MICAL2: variants seen among roughly 807,000 people sequenced by gnomAD.
MICAL2 encodes microtubule associated monooxygenase, calponin and LIM domain containing 2.
In MICAL2, 77 loss-of-function variants were observed where a neutral mutation model predicts 127.3. The observed-to-expected ratio is 0.60, with a 90% CI of 0.50 to 0.73. The LOEUF (loss-of-function observed/expected upper bound fraction) is 0.73, where lower values mean the gene tolerates loss of function less well. Among genes scored for constraint, MICAL2 ranks in the 30% least tolerant of loss-of-function variants. The pLI is 0.00. For synonymous variants in MICAL2, 570 were observed against 551.1 expected (o/e 1.03, Z -0.48); for missense variants, 1,351 against 1,434.4 (o/e 0.94, Z 0.94).
At chr11:12,165,308 G>A (rs1197470581) in intron 3 of MICAL2, among the ~76,000 whole-genome samples, 2 of 152,180 alleles carry the variant, frequency 1.3e-5, no homozygotes, top group African/African-American at 2.4e-5. Flanking sequence ...GCCGGTGCTT[G>A]TACTCCTTGT....
intron 15 of MICAL2, among the ~76,000 whole-genome samples, chr11:12,231,530 C>T (rs1371643062): frequency 1.3e-5 from 2 of 152,248 alleles, no homozygotes; most frequent in African/African-American, 4.8e-5. Flanking sequence ...CTTCCATCTA[C>T]TCATTCAACA....
chr11:12,152,419 T>G (rs1403310849), intron 2 of MICAL2, among the ~76,000 whole-genome samples: 2 of 151,366 alleles, frequency 1.3e-5, no homozygotes, highest in Non-Finnish European at 2.9e-5. Context: ...ATCTACTTTG[T>G]GTGGGAGCAA....
At chr11:12,322,578 AT>A (rs1310696235) in intron 30 of MICAL2, among the ~76,000 whole-genome samples, 6 of 152,216 alleles carry the variant, frequency 3.9e-5, no homozygotes, top group Non-Finnish European at 8.8e-5. Context: ...ATATTTATTT[AT>A]TCCAGCATTA....
intron 1 of MICAL2, among the ~76,000 whole-genome samples, chr11:12,277,193 C>G (rs1863730619): frequency 6.6e-6 from 1 of 151,980 alleles, no homozygotes; most frequent in Non-Finnish European, 1.5e-5. Flanking sequence ...GCTGGGGTGA[C>G]AGAGGGCTAT....
Position 12,297,316 on chromosome 11 carries a change from C to T in MICAL2, c.5212+2459C>T, listed in dbSNP as rs1863997077. Reference sequence around the variant, plus strand: ...TTTTTATATGTTGAGAAGCCATTTGCATCTCCTTTTCTGTGACCAGTTGAT... The same window carrying T: ...TTTTTATATGTTGAGAAGCCATTTGTATCTCCTTTTCTGTGACCAGTTGAT... On this transcript the variant is annotated intron_variant, in intron 29 of 34. Coordinates refer to the MICAL2 transcript ENST00000646065. 1.3e-5 allele frequency among the ~76,000 whole-genome samples: 2 copies of T among 152,136 alleles called. 1 individual carries two copies. Among genetic ancestry groups the T allele is most frequent in the Non-Finnish European group, 2.9e-5 (2 of 67,980 alleles).
chr11:12,282,194 A>T (rs894904255), intron 2 of MICAL2, among the ~76,000 whole-genome samples: 13 of 152,174 alleles, frequency 8.5e-5, no homozygotes, highest in African/African-American at 1.9e-4. Flanking sequence ...CTCATTTTTT[A>T]AAAAAGTGAC....
chr11:12,163,169 C>T (rs1300246764), intron 3 of MICAL2, among the ~76,000 whole-genome samples: 3 of 152,168 alleles, frequency 2.0e-5, no homozygotes, highest in Non-Finnish European at 2.9e-5. Flanking sequence ...TAGACAGCAT[C>T]GGCGAACATA....
chr11:12,159,900 G>A (rs546307757), intron 2 of MICAL2, among the ~76,000 whole-genome samples: 1 of 152,312 alleles, frequency 6.6e-6, no homozygotes, highest in African/African-American at 2.4e-5. Context: ...GAGAGGATCT[G>A]TGAAGGAATC....
At chr11:12,280,189 A>G (rs1357078680) in intron 1 of MICAL2, among the ~76,000 whole-genome samples, 1 of 151,562 alleles carries the variant, frequency 6.6e-6, no homozygotes, top group African/African-American at 2.4e-5. Context: ...CCATTCCCTC[A>G]TCCATTCCAT....
At chr11:12,139,170 C>T (rs187291631) in intron 2 of MICAL2, among the ~76,000 whole-genome samples, 5 of 152,266 alleles carry the variant, frequency 3.3e-5, no homozygotes, top group South Asian at 2.1e-4. Context: ...AGAATGGAAA[C>T]GCAGGCCCTG....
chr11:12,235,024 G>A (rs930562477), intron 15 of MICAL2, among the ~76,000 whole-genome samples: 10 of 152,154 alleles, frequency 6.6e-5, no homozygotes, highest in Non-Finnish European at 1.5e-4. Flanking sequence ...CCCTGCAGAA[G>A]CGATCTATGG....
At chr11:12,137,814 C>T (rs778932320) in intron 1 of MICAL2, among the ~76,000 whole-genome samples, 1 of 152,126 alleles carries the variant, frequency 6.6e-6, no homozygotes, top group Non-Finnish European at 1.5e-5. Context: ...CTTCGTTTTC[C>T]AAACAGGTGT....
At chr11:12,328,617 G>A (rs1380237600) in intron 32 of MICAL2, among the ~76,000 whole-genome samples, 1 of 152,096 alleles carries the variant, frequency 6.6e-6, no homozygotes, top group East Asian at 1.9e-4. Context: ...GAATTGGGGG[G>A]CCCTAAGAGT....
intron 3 of MICAL2, among the ~76,000 whole-genome samples, chr11:12,164,684 A>T (rs559410002): frequency 1.8e-4 from 27 of 152,288 alleles, no homozygotes; most frequent in African/African-American, 5.8e-4. Context: ...ATTGAAAAAA[A>T]CCTCAGAGAA....
chr11:12,346,742 A>T (rs910841543), intron 32 of MICAL2, among the ~76,000 whole-genome samples: 2 of 152,144 alleles, frequency 1.3e-5, no homozygotes, highest in Non-Finnish European at 2.9e-5. Flanking sequence ...GCTCCCAGTT[A>T]CCTAAAGAGC....
At chr11:12,238,185 G>A (rs1859352821) in intron 16 of MICAL2, among the ~76,000 whole-genome samples, 1 of 152,174 alleles carries the variant, frequency 6.6e-6, no homozygotes. Context: ...GTCTGTTCCT[G>A]TGAGGGACAT....
intron 2 of MICAL2, among the ~76,000 whole-genome samples, chr11:12,140,993 C>G (rs558263250): frequency 7.2e-5 from 11 of 152,298 alleles, no homozygotes; most frequent in African/African-American, 2.4e-4. Context: ...TGAACTTTTC[C>G]ATATGTTGTG....
chr11:12,272,987 C>T (rs985283154), upstream of MICAL2, among the ~76,000 whole-genome samples: 2 of 152,220 alleles, frequency 1.3e-5, no homozygotes, highest in East Asian at 1.9e-4. Context: ...CCAACTCCAG[C>T]AGGAAGGACT....
Position 12,327,206 on chromosome 11 carries a change from C to T in MICAL2, c.5455C>T (p.Arg1819Trp), listed in dbSNP as rs377444452. ...GAGGCAGCTGGAGGAGGTGGAGGAG[C>T]GGCAGAGGGCTTCTGAGATCCAGGG... The change falls in exon 32 of 35, where the codon CGG becomes TGG. Residue 1819 changes from arginine to tryptophan, a missense_variant. Coordinates refer to the MICAL2 transcript ENST00000646065. 4.2e-5 allele frequency: 65 copies of T among 1,551,580 alleles called. 1 individual carries two copies. The highest frequency in any genetic ancestry group is 3.4e-4 in the Middle Eastern group (2 of 5,860).
Sources: allele counts gnomAD v4.1 joint callset (sites outside exome capture counted in the v4.1 genomes callset), GRCh38; gene constraint gnomAD v4.1.1; transcripts MANE v1.5; gene names NCBI Gene and HGNC (gene_info 2026-07-23, HGNC 2026-07-21).